ANKRD30A: variants seen among roughly 807,000 people sequenced by gnomAD.
ANKRD30A encodes ankyrin repeat domain-containing protein 30A.
Under a neutral mutation model 166.3 loss-of-function variants are expected in ANKRD30A, and 170 were observed. The ratio of observed to expected loss-of-function variants is 1.02; its 90% CI spans 0.90 to 1.16. ANKRD30A has a LOEUF of 1.16. Ranked by LOEUF, ANKRD30A falls within the 50% of genes most tolerant of loss-of-function variation. ANKRD30A has a pLI of 0.00. For synonymous variants in ANKRD30A, 564 were observed against 508.9 expected (o/e 1.11, Z -1.46); for missense variants, 1,630 against 1,518.0 (o/e 1.07, Z -1.23).
chr10:37,199,203 A>G (rs1841411991), intron 29 of ANKRD30A, among the ~76,000 whole-genome samples: 3 of 152,054 alleles, frequency 2.0e-5, no homozygotes, highest in African/African-American at 4.8e-5. Flanking sequence ...CACCCAATAC[A>G]CTGTCATAGC....
intron 8 of ANKRD30A, among the ~76,000 whole-genome samples, chr10:37,146,174 CT>C (rs1322829419): frequency 3.4e-5 from 5 of 146,178 alleles, no homozygotes; most frequent in African/African-American, 1.3e-4. Flanking sequence ...AAAAGACTTT[CT>C]AATACTTGAT....
chr10:37,202,084 C>G (rs757224797), intron 31 of ANKRD30A, among the ~76,000 whole-genome samples: 10 of 151,930 alleles, frequency 6.6e-5, no homozygotes, highest in South Asian at 2.1e-4. Context: ...GAGGAGAGGC[C>G]TTTTGTGGGA....
chr10:37,239,130 G>T, the ANKRD30A span, among the ~76,000 whole-genome samples: 1 of 152,050 alleles, frequency 6.6e-6, no homozygotes, highest in Non-Finnish European at 1.5e-5. Context: ...ACTTGCAATG[G>T]AGCTTGAAAT....
At chr10:37,153,204 A>T (rs1314102088) in intron 12 of ANKRD30A, among the ~76,000 whole-genome samples, 1 of 152,166 alleles carries the variant, frequency 6.6e-6, no homozygotes, top group East Asian at 1.9e-4. Flanking sequence ...GCAAGTAGCA[A>T]ATGTGTTGTA....
the ANKRD30A span, chr10:37,241,207 G>T: frequency 3.3e-5 from 5 of 151,076 alleles, no homozygotes; most frequent in Non-Finnish European, 7.4e-5. Context: ...TCTGAAACTG[G>T]CTCCTCTAGG....
rs1483910431 is a variant in ANKRD30A at position 37,231,475 on chromosome 10, A to G, written c.*6A>G. 1 of 1,585,688 alleles carries G rather than the reference A, an allele frequency of 6.3e-7. No homozygotes were observed. The highest frequency in any genetic ancestry group is 1.2e-5 in the South Asian group (1 of 86,466). On this transcript the variant is annotated 3_prime_UTR_variant, in exon 35 of 36. Transcript: ENST00000361713. ...AATCTTCACAGAACTCATGAGAGAC[A>G]AGCAGTAAGAAACTTCTTTTGGAGA... is the stretch of plus-strand genomic sequence containing the variant.
intron 11 of ANKRD30A, 51 bp downstream of exon 11, chr10:37,149,900 T>C: frequency 6.2e-7 from 1 of 1,605,234 alleles, no homozygotes; most frequent in African/African-American, 1.3e-5. Context: ...ATATTGGACA[T>C]TTTGATGGTC....
At chr10:37,233,997 T>G (rs555053394), downstream of ANKRD30A, among the ~76,000 whole-genome samples, 7 of 152,316 alleles carry the variant, frequency 4.6e-5, no homozygotes, top group South Asian at 1.5e-3. Flanking sequence ...TTTGGGAATA[T>G]TGTTAATTTG....
At chr10:37,194,011 T>C (rs367881083) in intron 27 of ANKRD30A, among the ~76,000 whole-genome samples, 38 of 152,106 alleles carry the variant, frequency 2.5e-4, no homozygotes, top group East Asian at 5.8e-4. Flanking sequence ...CCTGGTCAAA[T>C]TAGTGAAACC....
Position 37,153,962 on chromosome 10 carries a change from C to A in ANKRD30A, c.1798+300C>A, listed in dbSNP as rs111526414. 5.0e-3 allele frequency among the ~76,000 whole-genome samples: 760 copies of A among 152,066 alleles called. 6 individuals carry two copies. Among genetic ancestry groups the A allele is most frequent in the African/African-American group, 0.017 (724 of 41,488 alleles). ...TAACTGAAGACTGAGAAAGACAGAA[C>A]GTACAGAGAGTACATGAAGGAACAA... is the stretch of plus-strand genomic sequence containing the variant. On this transcript the variant is annotated intron_variant, in intron 13 of 35. Transcript: ENST00000361713.
At chr10:37,144,771 T>G (rs561793492) in intron 7 of ANKRD30A, among the ~76,000 whole-genome samples, 1 of 152,256 alleles carries the variant, frequency 6.6e-6, no homozygotes, top group Admixed American at 6.5e-5. Flanking sequence ...TAATCAAATT[T>G]TTAATTTTTT....
At chr10:37,149,543 G>A (rs116605061) in intron 9 of ANKRD30A, 108 bp from the exon 10 acceptor site, 60 of 1,343,386 alleles carry the variant, frequency 4.5e-5, no homozygotes, top group African/African-American at 1.6e-4. Context: ...TAAAGTATTC[G>A]TTCTCAAAGT....
intron 27 of ANKRD30A, among the ~76,000 whole-genome samples, chr10:37,193,849 G>A (rs142986699): frequency 4.5e-4 from 69 of 152,130 alleles, no homozygotes; most frequent in Middle Eastern, 3.4e-3. Flanking sequence ...TTGCCTAGAG[G>A]TACAAAAGAG....
intron 1 of ANKRD30A, among the ~76,000 whole-genome samples, chr10:37,126,719 T>C (rs987757937): frequency 2.0e-5 from 3 of 152,144 alleles, no homozygotes; most frequent in Non-Finnish European, 4.4e-5. Context: ...AGTAAAAAAG[T>C]CTTGCCCTTC....
chr10:37,156,171 T>C (rs907661596), intron 13 of ANKRD30A, among the ~76,000 whole-genome samples: 1 of 152,126 alleles, frequency 6.6e-6, no homozygotes, highest in Non-Finnish European at 1.5e-5. Context: ...ATAAATATAA[T>C]TACGGATGTC....
In ANKRD30A at chr10:37,142,156, AG is replaced by A; in HGVS notation, c.1260del (p.Glu423LysfsTer4). ...GGAAGACCTAGGAAGATCGCATGGG[AG>A]AAAAAAGAAACACCTGTAAAGACTG... ...AKGRPRKIAW[E>X]KKETPVKTGC... On this transcript the variant is annotated frameshift_variant, in exon 7 of 36. Coordinates refer to ENST00000361713, the MANE Select transcript of ANKRD30A (RefSeq NM_052997.3). LOFTEE classifies it high-confidence loss of function. The A allele has an allele frequency of 6.2e-7, 1 of 1,614,146 alleles. No homozygotes were observed. The highest frequency in any genetic ancestry group is 1.1e-5 in the South Asian group (1 of 91,066).
intron 13 of ANKRD30A, among the ~76,000 whole-genome samples, chr10:37,157,827 G>A (rs1345579501): frequency 6.6e-6 from 1 of 152,190 alleles, no homozygotes; most frequent in African/African-American, 2.4e-5. Flanking sequence ...TATTCTATAA[G>A]TAGATATGCT....
chr10:37,158,090 C>T (rs1392442570), intron 13 of ANKRD30A, among the ~76,000 whole-genome samples: 2 of 152,102 alleles, frequency 1.3e-5, no homozygotes, highest in Non-Finnish European at 2.9e-5. Flanking sequence ...TTTCCTTATA[C>T]GGCCGCTTTC....
chr10:37,246,397 TG>T, the ANKRD30A span, among the ~76,000 whole-genome samples: 1 of 152,218 alleles, frequency 6.6e-6, no homozygotes, highest in Non-Finnish European at 1.5e-5. Context: ...TTGCTACTTT[TG>T]GTATGTTGAT....
Sources: allele counts gnomAD v4.1 joint callset (sites outside exome capture counted in the v4.1 genomes callset), GRCh38; gene constraint gnomAD v4.1.1; transcripts MANE v1.5; gene names NCBI Gene and HGNC (gene_info 2026-07-23, HGNC 2026-07-21).